Variants in MDGA2 observed in about 807,000 individuals in gnomAD.
MDGA2 encodes MAM domain-containing glycosylphosphatidylinositol anchor protein 2.
Under a neutral mutation model 117.8 loss-of-function variants are expected in MDGA2, and 40 were observed. The observed-to-expected ratio is 0.34, with a 90% CI of 0.26 to 0.44. The LOEUF is 0.44. Among genes scored for constraint, MDGA2 ranks in the 20% least tolerant of loss-of-function variants. MDGA2 has a pLI of 1.00. For missense variants in MDGA2, 1,123 were observed against 1,250.6 expected, an observed-to-expected ratio of 0.90 and a Z score of 1.54; for synonymous variants, 452 against 439.0, an observed-to-expected ratio of 1.03 and a Z score of -0.37.
At chr14:47,336,562 C>G (rs1890464357) in intron 1 of MDGA2, among the ~76,000 whole-genome samples, 2 of 151,884 alleles carry the variant, frequency 1.3e-5, no homozygotes, top group Non-Finnish European at 2.9e-5. Context: ...TATGTAACCA[C>G]AAATTATTTT....
intron 6 of MDGA2, among the ~76,000 whole-genome samples, chr14:47,079,921 C>CG (rs1890645259): frequency 1.3e-5 from 2 of 151,572 alleles, no homozygotes; most frequent in African/African-American, 4.8e-5. Context: ...TTAGTAGAGA[C>CG]GGGGTTTCAC....
chr14:47,627,480 C>G (rs554083961), intron 1 of MDGA2, among the ~76,000 whole-genome samples: 1 of 152,212 alleles, frequency 6.6e-6, no homozygotes, highest in African/African-American at 2.4e-5. Flanking sequence ...CACTCTGTGT[C>G]TAGCTCAGGG....
At chr14:47,287,779 T>C (rs755139110) in intron 2 of MDGA2, among the ~76,000 whole-genome samples, 2 of 152,152 alleles carry the variant, frequency 1.3e-5, no homozygotes, top group African/African-American at 2.4e-5. Flanking sequence ...AAATAAGGTG[T>C]TGCAGGTATA....
chr14:47,218,370 G>A (rs1886177625), intron 2 of MDGA2, among the ~76,000 whole-genome samples, 175 bp from the exon 3 acceptor site: 3 of 152,072 alleles, frequency 2.0e-5, no homozygotes, highest in Admixed American at 6.6e-5. Flanking sequence ...AATTTTTAAT[G>A]TAATGTCATC....
chr14:47,414,163 CCTAGA>C (rs927988632), intron 1 of MDGA2, among the ~76,000 whole-genome samples: 3 of 152,102 alleles, frequency 2.0e-5, no homozygotes, highest in African/African-American at 7.2e-5. Flanking sequence ...GAGTTATAGC[CCTAGA>C]CTATTATCCA....
Position 47,295,935 on chromosome 14 carries a change from T to C in MDGA2, c.420+5476A>G, listed in dbSNP as rs1594779303. Among the ~76,000 whole-genome samples the C allele has an allele frequency of 3.6e-5, 2 of 55,418 alleles. 1 individual carries two copies. The highest frequency in any genetic ancestry group is 1.2e-4 in the African/African-American group (2 of 16,244). 36.4% of individuals were successfully genotyped at this position (55,418 alleles called of 152,430 possible). Reference sequence around the variant, plus strand: ...ATACATATATAGATAGATGATAAGATAGATAGATAGATAGATAGATAGATA... The same window carrying C: ...ATACATATATAGATAGATGATAAGACAGATAGATAGATAGATAGATAGATA... On this transcript the variant is annotated intron_variant, in intron 2 of 16. Coordinates refer to ENST00000399232, the MANE Select transcript of MDGA2 (RefSeq NM_001113498.3).
At chr14:47,357,947 G>A (rs1296257482) in intron 1 of MDGA2, among the ~76,000 whole-genome samples, 1 of 152,150 alleles carries the variant, frequency 6.6e-6, no homozygotes, top group East Asian at 1.9e-4. Flanking sequence ...GGAGTAGAAT[G>A]TCTCAGAGGG....
At chr14:46,965,037 C>T (rs1885969469) in intron 8 of MDGA2, among the ~76,000 whole-genome samples, 2 of 129,140 alleles carry the variant, frequency 1.5e-5, no homozygotes, top group Non-Finnish European at 3.0e-5. Context: ...CATTCTCCTG[C>T]CTCAGCCTCC....
chr14:46,955,838 G>A (rs1409738092), intron 9 of MDGA2, among the ~76,000 whole-genome samples: 1 of 150,630 alleles, frequency 6.6e-6, no homozygotes, highest in Non-Finnish European at 1.5e-5. Context: ...TTTTGGTTGA[G>A]TCTCAGAAGT....
intron 1 of MDGA2, among the ~76,000 whole-genome samples, chr14:47,602,660 T>C (rs760030505): frequency 3.3e-5 from 5 of 152,060 alleles, no homozygotes; most frequent in Non-Finnish European, 5.9e-5. Context: ...AGACAGAAAA[T>C]TGTTAGACTT....
chr14:46,950,488 C>G (rs1408173400), intron 9 of MDGA2, among the ~76,000 whole-genome samples: 1 of 151,902 alleles, frequency 6.6e-6, no homozygotes, highest in Non-Finnish European at 1.5e-5. Context: ...ATATCATTTT[C>G]TGCTTAAAGT....
chr14:47,049,638 C>A (rs1889385382), intron 7 of MDGA2, among the ~76,000 whole-genome samples: 1 of 151,814 alleles, frequency 6.6e-6, no homozygotes, highest in South Asian at 2.1e-4. Context: ...TAGGAATGAT[C>A]CTGTCACACA....
chr14:47,268,392 T>C (rs982468310), intron 2 of MDGA2, among the ~76,000 whole-genome samples: 16 of 152,082 alleles, frequency 1.1e-4, no homozygotes. Flanking sequence ...CCTTTTTATA[T>C]ACAGGCAAAT....
rs150886400 is a variant in MDGA2, at chr14:46,982,127, C to T, written c.1820-24484G>A. Among the ~76,000 whole-genome samples the T allele has an allele frequency of 7.2e-5, 11 of 152,222 alleles. No individual in the cohort carries two copies. The East Asian group carries it at 1.4e-3, about 19-fold the overall frequency. ...GTGATGTCACATACAAGTGTTGTAA[C>T]AAGAACTTTTCAATTTTCCTCAGTG... On this transcript the variant is annotated intron_variant, in intron 8 of 16. Transcript: ENST00000399232.
chr14:47,218,863 A>G (rs1026331647), intron 2 of MDGA2, among the ~76,000 whole-genome samples: 1 of 152,120 alleles, frequency 6.6e-6, no homozygotes, highest in Non-Finnish European at 1.5e-5. Context: ...CTAAACTGCC[A>G]AAACATTTTG....
chr14:47,180,667 C>T (rs992525672), intron 3 of MDGA2, among the ~76,000 whole-genome samples: 2 of 152,074 alleles, frequency 1.3e-5, no homozygotes, highest in East Asian at 1.9e-4. Context: ...ATTAAAGTCA[C>T]GCCTATAATC....
At chr14:47,572,795 A>C (rs1768496171) in intron 1 of MDGA2, among the ~76,000 whole-genome samples, 1 of 152,214 alleles carries the variant, frequency 6.6e-6, no homozygotes, top group South Asian at 2.1e-4. Context: ...GCCCATATAT[A>C]AATGGAACCA....
At chr14:47,329,555 G>T (rs571966706) in intron 1 of MDGA2, among the ~76,000 whole-genome samples, 8 of 151,994 alleles carry the variant, frequency 5.3e-5, no homozygotes, top group African/African-American at 1.7e-4. Context: ...TTCCAGTGTG[G>T]TTTATTTTCT....
At chr14:47,496,720 T>C (rs1040153674) in intron 1 of MDGA2, among the ~76,000 whole-genome samples, 1 of 150,632 alleles carries the variant, frequency 6.6e-6, no homozygotes, top group Non-Finnish European at 1.5e-5. Context: ...TGAGCATACA[T>C]ATATGTTACT....
Sources: allele counts gnomAD v4.1 joint callset (sites outside exome capture counted in the v4.1 genomes callset), GRCh38; gene constraint gnomAD v4.1.1; transcripts MANE v1.5; gene names NCBI Gene and HGNC (gene_info 2026-07-23, HGNC 2026-07-21).